PTPRT: variants seen among roughly 807,000 people sequenced by gnomAD.
PTPRT encodes the protein receptor-type tyrosine-protein phosphatase T.
In PTPRT, 56 loss-of-function variants were observed where a neutral mutation model predicts 176.8. That is an observed-to-expected ratio of 0.32 (90% CI 0.26 to 0.40). The LOEUF is 0.40. Ranked by LOEUF, PTPRT falls within the 10% of genes least tolerant of loss-of-function variation. The pLI, the probability that PTPRT is intolerant of heterozygous loss-of-function variation, is 1.00. For missense variants in PTPRT, 1,540 were observed against 1,908.2 expected, an observed-to-expected ratio of 0.81 and a Z score of 3.60; for synonymous variants, 783 against 739.0, an observed-to-expected ratio of 1.06 and a Z score of -0.96.
intron 7 of PTPRT, among the ~76,000 whole-genome samples, chr20:42,593,804 A>G (rs2073621541): frequency 6.6e-6 from 1 of 152,236 alleles, no homozygotes. Context: ...GATAGATCAA[A>G]CACCACTTTG....
chr20:43,075,827 C>CAGA (rs1181106234), intron 1 of PTPRT, among the ~76,000 whole-genome samples: 1 of 152,170 alleles, frequency 6.6e-6, no homozygotes, highest in African/African-American at 2.4e-5. Flanking sequence ...CAGGTGTGCA[C>CAGA]ACAGTTAGAA....
At chr20:42,996,075 C>T (rs922155448) in intron 1 of PTPRT, among the ~76,000 whole-genome samples, 6 of 152,164 alleles carry the variant, frequency 3.9e-5, no homozygotes, top group Admixed American at 6.5e-5. Context: ...ACACAGTTCC[C>T]TCTCTGCATG....
chr20:42,801,849 T>TG (rs1224131771), intron 2 of PTPRT, among the ~76,000 whole-genome samples: 6 of 152,156 alleles, frequency 3.9e-5, no homozygotes, highest in South Asian at 2.1e-4. Flanking sequence ...TTCTGCCTTG[T>TG]GGGGGGGCTA....
chr20:42,546,383 G>A (rs1000251138), intron 7 of PTPRT, among the ~76,000 whole-genome samples: 38 of 152,168 alleles, frequency 2.5e-4, no homozygotes, highest in African/African-American at 8.7e-4. Context: ...ATGATTGGTT[G>A]AAGTACGGCC....
intron 1 of PTPRT, among the ~76,000 whole-genome samples, chr20:42,997,531 C>A (rs1984290132): frequency 6.6e-6 from 1 of 152,112 alleles, no homozygotes; most frequent in South Asian, 2.1e-4. Flanking sequence ...CAAACTGTCC[C>A]AGCAGATACT....
At chr20:42,087,701 C>T (rs1469073722) in intron 27 of PTPRT, among the ~76,000 whole-genome samples, 2 of 150,422 alleles carry the variant, frequency 1.3e-5, no homozygotes, top group African/African-American at 4.9e-5. Flanking sequence ...TGGTGAAACC[C>T]GTCTCCACTA....
At chr20:43,165,855 C>A (rs567187075) in intron 1 of PTPRT, among the ~76,000 whole-genome samples, 1 of 152,264 alleles carries the variant, frequency 6.6e-6, no homozygotes, top group Admixed American at 6.5e-5. Context: ...GGAACACTAT[C>A]CTCTTGATCA....
intron 25 of PTPRT, among the ~76,000 whole-genome samples, chr20:42,103,509 A>C (rs1220522632): frequency 1.3e-5 from 2 of 152,186 alleles, no homozygotes; most frequent in Non-Finnish European, 2.9e-5. Flanking sequence ...TCTGTTGCCC[A>C]GGCTGGAGTG....
rs952342100 is a variant in PTPRT, at chr20:42,413,489, A to C, written c.1560+34731T>G. The stretch of plus-strand genomic sequence containing the variant: ...AACTTAACAAAAGGTAGGCTTAAAA[A>C]CCCCCAGGCCAATCTTACTTATGAA... On this transcript the variant is annotated intron_variant, in intron 9 of 30. Coordinates refer to ENST00000373187, the MANE Select transcript of PTPRT (RefSeq NM_007050.6). Among the ~76,000 whole-genome samples the C allele has an allele frequency of 3.3e-5, 5 of 151,890 alleles. No individual in the cohort carries two copies. In the East Asian group the frequency reaches 7.7e-4, roughly 23 times the overall value.
chr20:42,508,127 TTGTGTGTGTGTG>T (rs57895943), intron 7 of PTPRT, among the ~76,000 whole-genome samples: 2 of 146,614 alleles, frequency 1.4e-5, no homozygotes, highest in African/African-American at 2.6e-5. Flanking sequence ...ATTACCCTTT[TTGTGTGTGTGTG>T]TGTGTGTGTG....
At chr20:42,212,439 A>T (rs1007520142) in intron 15 of PTPRT, among the ~76,000 whole-genome samples, 2 of 144,066 alleles carry the variant, frequency 1.4e-5, no homozygotes, top group African/African-American at 5.3e-5. Context: ...AAAAAAAAAG[A>T]ATCAATAGTG....
Position 42,771,520 on chromosome 20 carries a change from T to G in PTPRT, c.599A>C (p.Asn200Thr). Residue 200 changes from asparagine (N) to threonine (T), a missense_variant, in exon 5 of 31, where the codon AAC becomes ACC. Asn to Thr is a moderately conservative substitution (Grantham distance 65). Around this residue, in one of 11 missense-constraint regions of PTPRT, gnomAD observed 273 missense variants for 432.1 expected, o/e 0.63. Coordinates refer to ENST00000373187, the MANE Select transcript of PTPRT (RefSeq NM_007050.6). ...RKAPHFLRLQ[N>T]VEVNVGQNAT... Reference sequence around the variant, plus strand: ...ATTCTGCCCCACATTCACCTCCACGTTTTGGAGTCGCAGAAAATGAGGTGC... The same window carrying G: ...ATTCTGCCCCACATTCACCTCCACGGTTTGGAGTCGCAGAAAATGAGGTGC... The G allele has an allele frequency of 6.2e-7, 1 of 1,614,090 alleles. No homozygotes were observed. Among genetic ancestry groups the G allele is most frequent in the South Asian group, 1.1e-5 (1 of 91,082 alleles).
chr20:42,038,659 A>G, the PTPRT span, among the ~76,000 whole-genome samples: 4 of 152,160 alleles, frequency 2.6e-5, no homozygotes, highest in Admixed American at 1.3e-4. Flanking sequence ...TTAAAAGGAG[A>G]GTAAGAATAG....
At chr20:42,993,466 A>G (rs986947769) in intron 1 of PTPRT, among the ~76,000 whole-genome samples, 2 of 99,166 alleles carry the variant, frequency 2.0e-5, no homozygotes, top group Admixed American at 9.5e-5. Flanking sequence ...ATGTGTGTGT[A>G]TATATATACA....
At chr20:42,713,704 G>A (rs1386538051) in intron 6 of PTPRT, among the ~76,000 whole-genome samples, 1 of 152,194 alleles carries the variant, frequency 6.6e-6, no homozygotes, top group East Asian at 1.9e-4. Flanking sequence ...GTAGTGGGAG[G>A]TGACTGGATC....
intron 16 of PTPRT, among the ~76,000 whole-genome samples, chr20:42,188,880 C>G (rs1177165061): frequency 6.6e-6 from 1 of 152,184 alleles, no homozygotes; most frequent in African/African-American, 2.4e-5. Context: ...TTGAGGAATG[C>G]TTGGGCCAGC....
intron 16 of PTPRT, among the ~76,000 whole-genome samples, chr20:42,169,237 T>C (rs1568638187): frequency 6.6e-6 from 1 of 152,196 alleles, no homozygotes; most frequent in Non-Finnish European, 1.5e-5. Context: ...GGTATCTTTG[T>C]TTCCGAGACG....
intron 26 of PTPRT, among the ~76,000 whole-genome samples, 153 bp downstream of exon 26, chr20:42,101,971 C>T (rs1292899995): frequency 6.6e-6 from 1 of 152,148 alleles, no homozygotes; most frequent in East Asian, 1.9e-4. Context: ...GGACCAGAGC[C>T]TGCAGGGGAA....
intron 7 of PTPRT, among the ~76,000 whole-genome samples, chr20:42,636,577 G>T (rs911025352): frequency 6.6e-6 from 1 of 151,956 alleles, no homozygotes; most frequent in Non-Finnish European, 1.5e-5. Context: ...TTGAGATCAG[G>T]AGTTTGAGAC....
Sources: gnomAD v4.1 joint callset for allele counts (sites outside exome capture counted in the v4.1 genomes callset) on GRCh38, gnomAD v4.1.1 for gene constraint, gnomAD v4.1.1 regional missense constraint, MANE v1.5 for transcripts, NCBI Gene and HGNC (gene_info 2026-07-23, HGNC 2026-07-21) for gene names.